Variants in LOC101059915 observed in about 807,000 individuals in gnomAD.
chrX:71,668,938 A>T, the LOC101059915 span: 2 of 1,152,562 alleles, frequency 1.7e-6, no homozygotes, highest in Non-Finnish European at 2.3e-6. Flanking sequence ...GCCCAAGCAC[A>T]GCAGCCCTGG....
At chrX:71,667,862 A>G in the LOC101059915 span, 1 of 1,097,405 alleles carries the variant, frequency 9.1e-7, no homozygotes, top group Non-Finnish European at 1.2e-6. Flanking sequence ...GAGGGTGGCG[A>G]GCAGGCCGGC....
the LOC101059915 span, chrX:71,668,516 A>G: frequency 2.6e-6 from 3 of 1,145,312 alleles, no homozygotes; most frequent in Admixed American, 2.9e-5. Context: ...GGAAGCCCCA[A>G]GAAGCCAGGA....
the LOC101059915 span, chrX:71,670,136 T>C: frequency 6.5e-6 from 6 of 916,473 alleles, no homozygotes; most frequent in South Asian, 2.3e-5. Flanking sequence ...GGGTTGGAGA[T>C]GCTAGGCAGA....
chrX:71,668,832 C>T, the LOC101059915 span: 1 of 1,084,916 alleles, frequency 9.2e-7, no homozygotes, highest in South Asian at 2.4e-5. Context: ...CCTTTCCTGC[C>T]TGGGGGCAGA....
the LOC101059915 span, chrX:71,670,241 T>A: frequency 4.3e-6 from 5 of 1,163,945 alleles, no homozygotes; most frequent in Non-Finnish European, 5.7e-6. Context: ...GAAGCTGGAT[T>A]TTGTGTTCTC....
chrX:71,668,866 C>G, the LOC101059915 span: 59 of 1,097,796 alleles, frequency 5.4e-5, no homozygotes, highest in African/African-American at 9.8e-4. Flanking sequence ...TCCACCTGAT[C>G]CGGCTAGCTT....
the LOC101059915 span, chrX:71,668,708 C>T: frequency 9.3e-7 from 1 of 1,075,978 alleles, no homozygotes; most frequent in Admixed American, 4.0e-5. Flanking sequence ...GGGGTCAGGC[C>T]CAGCTGCTCA....
At chrX:71,667,869 C>T in the LOC101059915 span, 349 of 1,104,165 alleles carry the variant, frequency 3.2e-4, no homozygotes, top group Non-Finnish European at 4.0e-4. Flanking sequence ...GCGAGCAGGC[C>T]GGCGCCCACA....
At chrX:71,669,559 C>A in the LOC101059915 span, 1 of 959,513 alleles carries the variant, frequency 1.0e-6, no homozygotes. Flanking sequence ...TCTGTTTTAG[C>A]TTCCCACACA....
At chrX:71,670,386 T>C in the LOC101059915 span, 4 of 1,161,182 alleles carry the variant, frequency 3.4e-6, no homozygotes, top group East Asian at 1.3e-4. Flanking sequence ...GATGGTGGGA[T>C]CCATGTCCAG....
chrX:71,668,054 A>G, the LOC101059915 span: 3 of 1,160,466 alleles, frequency 2.6e-6, no homozygotes, highest in Non-Finnish European at 3.4e-6. Context: ...CTCTGGGGCC[A>G]GGAAGGCCGG....
chrX:71,669,787 TG>T, the LOC101059915 span: 1 of 919,225 alleles, frequency 1.1e-6, no homozygotes. Flanking sequence ...CTGTCGCTTC[TG>T]GGGGCTTAGC....
chrX:71,669,646 G>C, the LOC101059915 span: 1 of 970,594 alleles, frequency 1.0e-6, no homozygotes, highest in Non-Finnish European at 1.3e-6. Context: ...AGCTCCCCAA[G>C]TACTAGGAAC....
At chrX:71,670,224 C>A in the LOC101059915 span, 8 of 1,163,157 alleles carry the variant, frequency 6.9e-6, no homozygotes, top group Admixed American at 7.8e-5. Context: ...CCTCACTGGG[C>A]GGCTTGGAAG....
the LOC101059915 span, chrX:71,668,332 A>G: frequency 8.8e-7 from 1 of 1,136,941 alleles, no homozygotes; most frequent in Non-Finnish European, 1.2e-6. Flanking sequence ...GGCCTGGGAG[A>G]ACCCAGAAAG....
At chrX:71,668,830 G>T in the LOC101059915 span, 1 of 1,083,605 alleles carries the variant, frequency 9.2e-7, no homozygotes, top group Non-Finnish European at 1.2e-6. Flanking sequence ...AGCCTTTCCT[G>T]CCTGGGGGCA....
chrX:71,667,562 C>T, the LOC101059915 span: 11 of 255,005 alleles, frequency 4.3e-5, no homozygotes, highest in African/African-American at 5.6e-5. Flanking sequence ...TGAGGGAGCC[C>T]GGAAGCCACG....
chrX:71,668,174 C>T, the LOC101059915 span: 1 of 1,128,251 alleles, frequency 8.9e-7, no homozygotes, highest in East Asian at 3.3e-5. Context: ...CACCCGTCCC[C>T]AGAAGGCGCC....
chrX:71,668,373 G>A, the LOC101059915 span: 2 of 1,146,464 alleles, frequency 1.7e-6, no homozygotes, highest in Non-Finnish European at 2.3e-6. Flanking sequence ...GCTTCCAAGT[G>A]GATCCCCAGC....
Sources: allele counts gnomAD v4.1 joint callset, GRCh38; gene constraint gnomAD v4.1.1; transcripts MANE v1.5.